The following GAREM1 variants were observed in gnomAD, a reference collection of about 807,000 sequenced individuals.
GAREM1 encodes the protein GRB2 associated regulator of MAPK1 subtype 1, also known as GRB2-associated and regulator of MAPK protein 1.
GAREM1 carries 26 observed loss-of-function variants against 71.3 expected under a neutral mutation model. The ratio of observed to expected loss-of-function variants is 0.36; its 90% confidence interval spans 0.27 to 0.51. The LOEUF is 0.51. GAREM1 is among the 20% of genes least tolerant of loss of function. GAREM1 has a pLI of 0.95. For synonymous variants in GAREM1, 440 were observed against 433.2 expected, an observed-to-expected ratio of 1.02 and a Z score of -0.20; for missense variants, 1,026 against 1,103.1, an observed-to-expected ratio of 0.93 and a Z score of 0.99.
At chr18:32,448,133 T>G (rs2048801389) in intron 1 of GAREM1, among the ~76,000 whole-genome samples, 1 of 152,162 alleles carries the variant, frequency 6.6e-6, no homozygotes, top group South Asian at 2.1e-4. Context: ...CACCTATCAT[T>G]TATCAAAGTA....
intron 3 of GAREM1, among the ~76,000 whole-genome samples, chr18:32,303,298 T>C (rs564571104): frequency 4.6e-5 from 7 of 152,258 alleles, no homozygotes; most frequent in South Asian, 2.1e-4. Context: ...TCAGTGAAGA[T>C]AGGATGCCTC....
chr18:32,366,277 C>G (rs910723751), intron 2 of GAREM1, among the ~76,000 whole-genome samples: 1 of 152,148 alleles, frequency 6.6e-6, no homozygotes, highest in Non-Finnish European at 1.5e-5. Context: ...CTACTTATTA[C>G]CTTACATTGT....
At chr18:32,434,449 G>GCA (rs1189686154) in intron 1 of GAREM1, among the ~76,000 whole-genome samples, 8 of 151,962 alleles carry the variant, frequency 5.3e-5, no homozygotes, top group African/African-American at 1.5e-4. Context: ...CTAGGGCAGG[G>GCA]GCATCTTGTG....
chr18:32,283,432 A>G (rs931445357), intron 4 of GAREM1, among the ~76,000 whole-genome samples: 3 of 152,026 alleles, frequency 2.0e-5, no homozygotes, highest in African/African-American at 7.2e-5. Flanking sequence ...CTGTAATCCC[A>G]GCTTCTCGGG....
At chr18:32,376,736 G>A (rs1417727912) in intron 2 of GAREM1, among the ~76,000 whole-genome samples, 4 of 152,200 alleles carry the variant, frequency 2.6e-5, no homozygotes, top group Non-Finnish European at 5.9e-5. Flanking sequence ...TACTTGGGAG[G>A]GTGAGGCAGA....
intron 2 of GAREM1, among the ~76,000 whole-genome samples, chr18:32,324,248 A>G (rs1320584184): frequency 6.6e-6 from 1 of 152,210 alleles, no homozygotes; most frequent in African/African-American, 2.4e-5. Flanking sequence ...AGAAAGGAAA[A>G]AGAAAGCCAA....
intron 2 of GAREM1, among the ~76,000 whole-genome samples, chr18:32,350,666 A>C (rs2047740448): frequency 6.6e-6 from 1 of 152,156 alleles, no homozygotes; most frequent in Non-Finnish European, 1.5e-5. Context: ...TGCCAAGTAA[A>C]CTCTTGAAGG....
intron 4 of GAREM1, among the ~76,000 whole-genome samples, chr18:32,272,319 C>A (rs1193101724): frequency 1.3e-5 from 2 of 152,218 alleles, no homozygotes; most frequent in Non-Finnish European, 2.9e-5. Flanking sequence ...AAAGTCTTAT[C>A]AACTGCATTT....
intron 2 of GAREM1, among the ~76,000 whole-genome samples, chr18:32,350,839 A>G (rs2047742285): frequency 6.6e-6 from 1 of 152,202 alleles, no homozygotes; most frequent in African/African-American, 2.4e-5. Context: ...TCCACCATTA[A>G]GTTTTATGGC....
At position 32,469,875 on chromosome 18, in the gene GAREM1, T is replaced by C. The variant is rs527660935; in HGVS notation, c.121+433A>G. ...CCCAGGAGCTTTTCCTTTAAATCTG[T>C]TTGGCGGGGGATGGGGGAGATAGGG... On this transcript the variant is annotated intron_variant, in intron 1 of 5. Coordinates refer to ENST00000269209, the MANE Select transcript of GAREM1 (RefSeq NM_001242409.2). Among the ~76,000 whole-genome samples the C allele has an allele frequency of 3.8e-4, 58 of 152,222 alleles. 1 individual carries two copies. The highest frequency in any genetic ancestry group is 1.4e-3 in the African/African-American group (58 of 41,530).
chr18:32,458,689 A>G (rs2048921197), intron 1 of GAREM1, among the ~76,000 whole-genome samples: 1 of 152,060 alleles, frequency 6.6e-6, no homozygotes, highest in Non-Finnish European at 1.5e-5. Context: ...GGCTCAGGAA[A>G]TTCACAAACA....
At chr18:32,428,814 G>A (rs1281006725) in intron 1 of GAREM1, among the ~76,000 whole-genome samples, 1 of 152,186 alleles carries the variant, frequency 6.6e-6, no homozygotes, top group East Asian at 1.9e-4. Flanking sequence ...ATTGGCTCAA[G>A]AATGAGTATG....
At chr18:32,281,024 T>C (rs1279176553) in intron 4 of GAREM1, among the ~76,000 whole-genome samples, 1 of 152,216 alleles carries the variant, frequency 6.6e-6, no homozygotes, top group Non-Finnish European at 1.5e-5. Flanking sequence ...TATTAAATTA[T>C]TGCTACTATT....
intron 3 of GAREM1, among the ~76,000 whole-genome samples, chr18:32,299,001 T>C (rs1043564035): frequency 3.3e-5 from 5 of 152,184 alleles, no homozygotes; most frequent in Non-Finnish European, 7.3e-5. Flanking sequence ...ATGGCAATGG[T>C]TGCATTTGTG....
chr18:32,276,759 G>T (rs1028970362), intron 4 of GAREM1, among the ~76,000 whole-genome samples: 1 of 152,120 alleles, frequency 6.6e-6, no homozygotes, highest in African/African-American at 2.4e-5. Context: ...AAAAGCAGAG[G>T]AGGTCAGTTT....
At chr18:32,356,856 T>C (rs778170789) in intron 2 of GAREM1, among the ~76,000 whole-genome samples, 3 of 152,176 alleles carry the variant, frequency 2.0e-5, no homozygotes, top group Non-Finnish European at 2.9e-5. Context: ...TATTTGAAGA[T>C]CCAGGACTTC....
At chr18:32,321,184 C>T (rs1377973527) in intron 2 of GAREM1, among the ~76,000 whole-genome samples, 1 of 152,166 alleles carries the variant, frequency 6.6e-6, no homozygotes, top group Non-Finnish European at 1.5e-5. Flanking sequence ...CATATAATAG[C>T]TCTTTAATCT....
intron 2 of GAREM1, among the ~76,000 whole-genome samples, chr18:32,377,842 C>A (rs909393489): frequency 3.3e-5 from 5 of 152,164 alleles, no homozygotes; most frequent in Non-Finnish European, 7.3e-5. Flanking sequence ...GGATTACAGG[C>A]GTGAGCCACC....
In GAREM1 at chr18:32,362,189, G is replaced by T. The variant is rs2047871772; in HGVS notation, c.262+30706C>A. Among the ~76,000 whole-genome samples, 3 of 152,152 alleles carry T rather than the reference G, an allele frequency of 2.0e-5. No homozygotes were observed. The South Asian group carries it at 6.2e-4, about 32-fold the overall frequency. On this transcript the variant is annotated intron_variant, in intron 2 of 5. Transcript: ENST00000269209. The stretch of plus-strand genomic sequence containing the variant: ...CTCCAAGGATTCTGATTCCAGGGGA[G>T]ACTCCTGTTCACTCATCTTTCTCAT...
Sources: gnomAD v4.1 joint callset for allele counts (sites outside exome capture counted in the v4.1 genomes callset) on GRCh38, gnomAD v4.1.1 for gene constraint, MANE v1.5 for transcripts, NCBI Gene and HGNC (gene_info 2026-07-23, HGNC 2026-07-21) for gene names.